FSTL4: variants seen among roughly 807,000 people sequenced by gnomAD.
FSTL4 encodes follistatin-related protein 4.
FSTL4 carries 28 observed loss-of-function variants against 78.2 expected under a neutral mutation model. That is an observed-to-expected ratio of 0.36 (90% confidence interval 0.27 to 0.49). FSTL4 has a LOEUF of 0.49. FSTL4 is among the 20% of genes least tolerant of loss of function. The pLI is 0.98. For synonymous variants in FSTL4, 422 were observed against 440.5 expected, an observed-to-expected ratio of 0.96 and a Z score of 0.53; for missense variants, 922 against 1,084.9, an observed-to-expected ratio of 0.85 and a Z score of 2.11.
chr5:133,588,151 T>C (rs1760547805), intron 2 of FSTL4, among the ~76,000 whole-genome samples: 2 of 120,996 alleles, frequency 1.7e-5, no homozygotes, highest in African/African-American at 2.7e-5. Flanking sequence ...GGATTAAAGA[T>C]TTAAACGTTA....
intron 6 of FSTL4, among the ~76,000 whole-genome samples, chr5:133,277,085 G>T (rs1419813896): frequency 6.6e-6 from 1 of 152,220 alleles, no homozygotes; most frequent in Non-Finnish European, 1.5e-5. Context: ...GCCAAGGCGG[G>T]TGGATCACCT....
At chr5:133,518,571 A>G (rs1758909918) in intron 3 of FSTL4, among the ~76,000 whole-genome samples, 1 of 152,254 alleles carries the variant, frequency 6.6e-6, no homozygotes, top group Non-Finnish European at 1.5e-5. Flanking sequence ...GTTTGACACT[A>G]TAGTTCTAAA....
At chr5:133,282,682 C>G (rs765460862) in intron 6 of FSTL4, among the ~76,000 whole-genome samples, 8 of 152,086 alleles carry the variant, frequency 5.3e-5, no homozygotes, top group Middle Eastern at 3.2e-3. Flanking sequence ...GAACAGAGAC[C>G]TGAGTTGCTT....
intron 8 of FSTL4, among the ~76,000 whole-genome samples, chr5:133,231,194 C>G (rs1016973304): frequency 6.6e-6 from 1 of 151,202 alleles, no homozygotes; most frequent in African/African-American, 2.4e-5. Flanking sequence ...AAAAAAAAAA[C>G]CCTTCTCTTT....
chr5:133,198,406 G>A lies in FSTL4; in HGVS notation c.*689C>T, dbSNP rs954437108. 3 of 152,118 alleles carry A rather than the reference G, an allele frequency of 2.0e-5. No individual in the cohort carries two copies. The highest frequency in any genetic ancestry group is 2.9e-5 in the Non-Finnish European group (2 of 67,980). 9.4% of individuals were successfully genotyped at this position (152,118 alleles called of 1,614,324 possible). On this transcript the variant is annotated 3_prime_UTR_variant, in exon 16 of 16. Transcript: ENST00000265342. ...GGGGTTGTGACCACCCCCGAGACTC[G>A]GCCTAAGGCAGGGAAGGATATAGTT...
chr5:133,832,327 C>A, the FSTL4 span, among the ~76,000 whole-genome samples: 1 of 152,156 alleles, frequency 6.6e-6, no homozygotes, highest in Non-Finnish European at 1.5e-5. Context: ...CTCAGGAGAA[C>A]TAGAATTGAT....
intron 6 of FSTL4, among the ~76,000 whole-genome samples, chr5:133,297,179 G>A (rs551484527): frequency 1.3e-5 from 2 of 152,358 alleles, no homozygotes; most frequent in South Asian, 2.1e-4. Flanking sequence ...TATCCTACGT[G>A]CAGGATCTCA....
the FSTL4 span, among the ~76,000 whole-genome samples, chr5:133,813,130 C>T: frequency 6.6e-6 from 1 of 150,516 alleles, no homozygotes; most frequent in East Asian, 1.9e-4. Flanking sequence ...AGCCTCCTGT[C>T]CAATGGAGGA....
chr5:133,563,300 T>A (rs766641484), intron 3 of FSTL4, among the ~76,000 whole-genome samples: 3 of 152,120 alleles, frequency 2.0e-5, no homozygotes, highest in Non-Finnish European at 4.4e-5. Context: ...CCCTCTCAGC[T>A]CTCTGGGCTT....
chr5:133,422,783 G>A (rs553512849), intron 3 of FSTL4, among the ~76,000 whole-genome samples: 32 of 152,318 alleles, frequency 2.1e-4, no homozygotes, highest in African/African-American at 7.2e-4. Context: ...GGTAATTTGT[G>A]AAATTTAACA....
intron 4 of FSTL4, among the ~76,000 whole-genome samples, chr5:133,348,903 G>A (rs1019563739): frequency 6.6e-6 from 1 of 152,174 alleles, no homozygotes; most frequent in Non-Finnish European, 1.5e-5. Flanking sequence ...TATAAGACCA[G>A]GTTTAAAATC....
intron 1 of FSTL4, among the ~76,000 whole-genome samples, chr5:133,608,429 T>C (rs1056351432): frequency 1.3e-5 from 2 of 152,228 alleles, no homozygotes; most frequent in Admixed American, 6.5e-5. Context: ...GGCTGCCGCA[T>C]AGATAGGACA....
chr5:133,245,441 C>A (rs1483318859), intron 7 of FSTL4, among the ~76,000 whole-genome samples: 1 of 152,260 alleles, frequency 6.6e-6, no homozygotes, highest in Admixed American at 6.5e-5. Context: ...GCCCACAGGG[C>A]AATTGCTAAG....
Position 133,199,707 on chromosome 5 carries a change from G to C in FSTL4, c.1917C>G (p.His639Gln). 6.2e-7 allele frequency: 1 copy of C among 1,613,278 alleles called. No homozygotes were observed. Among genetic ancestry groups the C allele is most frequent in the Non-Finnish European group, 8.5e-7 (1 of 1,179,510 alleles). ...CCATGGCCTGGGGCACGCAGCCATG[G>C]TGGTGCAGGCCGATGGTCTTGAGGG... ...MMPLKTIGLH[H>Q]HGCVPQAMAH... The change falls in exon 16 of 16, where the codon CAC (histidine) becomes CAG (glutamine). Residue 639 changes from histidine to glutamine, a missense_variant. Physicochemically the swap from His to Gln is conservative, Grantham distance 24. Coordinates refer to ENST00000265342, the MANE Select transcript of FSTL4 (RefSeq NM_015082.2). The surrounding 1 kb of genome is among the most constrained non-coding windows in gnomAD (Gnocchi z 4.4).
intron 4 of FSTL4, among the ~76,000 whole-genome samples, chr5:133,368,919 G>T (rs1174379630): frequency 1.3e-5 from 2 of 152,230 alleles, no homozygotes; most frequent in East Asian, 3.9e-4. Context: ...TGGCAGGCCA[G>T]GACTTTTCCT....
At chr5:133,294,307 G>C (rs1753337260) in intron 6 of FSTL4, among the ~76,000 whole-genome samples, 1 of 152,114 alleles carries the variant, frequency 6.6e-6, no homozygotes, top group South Asian at 2.1e-4. Context: ...TGTTAATTTT[G>C]GAGGACATCC....
At chr5:133,541,520 T>C (rs367677671) in intron 3 of FSTL4, among the ~76,000 whole-genome samples, 9 of 152,310 alleles carry the variant, frequency 5.9e-5, no homozygotes, top group African/African-American at 1.7e-4. Context: ...CGAGGGGACA[T>C]AGACCCTGCC....
At chr5:133,474,868 T>C (rs1178277924) in intron 3 of FSTL4, among the ~76,000 whole-genome samples, 1 of 152,234 alleles carries the variant, frequency 6.6e-6, no homozygotes, top group African/African-American at 2.4e-5. Context: ...GTAATTTTAA[T>C]TGATGGCACC....
chr5:133,594,954 T>C (rs953459110), intron 2 of FSTL4, among the ~76,000 whole-genome samples: 3 of 152,248 alleles, frequency 2.0e-5, no homozygotes, highest in Non-Finnish European at 4.4e-5. Context: ...TCTGCTCCTT[T>C]CTGCCCTCTG....
Sources: allele counts gnomAD v4.1 joint callset (sites outside exome capture counted in the v4.1 genomes callset), GRCh38; gene constraint gnomAD v4.1.1; non-coding constraint Gnocchi (gnomAD v3.1); transcripts MANE v1.5; gene names NCBI Gene and HGNC (gene_info 2026-07-23, HGNC 2026-07-21).